GLCE: variants seen among roughly 807,000 people sequenced by gnomAD.
GLCE encodes glucuronic acid epimerase, also known as D-glucuronyl C5-epimerase.
In GLCE, 19 loss-of-function variants were observed where a neutral mutation model predicts 47.9. That is an observed-to-expected ratio of 0.40 (90% CI 0.28 to 0.58). The LOEUF is 0.58. Among genes scored for constraint, GLCE ranks in the 20% least tolerant of loss-of-function variants. The pLI is 0.48. For missense variants in GLCE, 556 were observed against 743.3 expected, an observed-to-expected ratio of 0.75 and a Z score of 2.93; for synonymous variants, 245 against 263.4, an observed-to-expected ratio of 0.93 and a Z score of 0.68.
intron 2 of GLCE, among the ~76,000 whole-genome samples, chr15:69,211,835 T>A (rs1025979219): frequency 6.6e-6 from 1 of 152,030 alleles, no homozygotes; most frequent in Non-Finnish European, 1.5e-5. Flanking sequence ...GAAAACAGCC[T>A]CTTATATCCT....
chr15:69,199,480 CATCA>C (rs2052045711), intron 1 of GLCE, among the ~76,000 whole-genome samples: 1 of 152,140 alleles, frequency 6.6e-6, no homozygotes, highest in Admixed American at 6.5e-5. Flanking sequence ...GAATAAGCAT[CATCA>C]ATCAGATCAT....
chr15:69,206,420 A>C lies in GLCE; in HGVS notation c.-104-3896A>C, dbSNP rs1440295772. On this transcript the variant is annotated intron_variant, in intron 1 of 4. Transcript: ENST00000261858. ...AAATGAGTTGCTAATTTCAGCCCAC[A>C]ATCAAAAGGGTGGGAGATTGTTTCA... is the stretch of plus-strand genomic sequence containing the variant. 2.0e-5 allele frequency among the ~76,000 whole-genome samples: 3 copies of C among 152,160 alleles called. 1 individual carries two copies. The South Asian group carries it at 6.2e-4, about 32-fold the overall frequency.
chr15:69,243,070 A>C (rs539646460), intron 2 of GLCE, among the ~76,000 whole-genome samples: 2 of 151,320 alleles, frequency 1.3e-5, no homozygotes, highest in African/African-American at 4.8e-5. Context: ...AAAAAAAAAA[A>C]AAAAAAGAAA....
At chr15:69,197,872 G>C (rs1165241932) in intron 1 of GLCE, among the ~76,000 whole-genome samples, 1 of 152,158 alleles carries the variant, frequency 6.6e-6, no homozygotes, top group Admixed American at 6.6e-5. Context: ...AATGTGACAG[G>C]AATAATCCAG....
intron 2 of GLCE, among the ~76,000 whole-genome samples, chr15:69,232,507 G>A (rs1406505275): frequency 2.0e-5 from 3 of 152,044 alleles, no homozygotes; most frequent in South Asian, 2.1e-4. Context: ...TTACTCCTGA[G>A]TTATTTGTCA....
At chr15:69,173,052 G>A (rs1426510429) in intron 1 of GLCE, among the ~76,000 whole-genome samples, 1 of 152,130 alleles carries the variant, frequency 6.6e-6, no homozygotes, top group Non-Finnish European at 1.5e-5. Context: ...GTGTGCCTGG[G>A]TGTGTCTCCT....
At chr15:69,236,270 A>G (rs1455410493) in intron 2 of GLCE, among the ~76,000 whole-genome samples, 1 of 147,948 alleles carries the variant, frequency 6.8e-6, no homozygotes, top group Non-Finnish European at 1.5e-5. Flanking sequence ...AAATTTCTGG[A>G]TTATTATGGC....
chr15:69,261,427 C>A, intron 4 of GLCE, 98 bp downstream of exon 4: 2 of 1,158,264 alleles, frequency 1.7e-6, no homozygotes, highest in Non-Finnish European at 1.2e-6. Context: ...AACACATAAG[C>A]AGACCCTTTA....
At chr15:69,219,028 A>G (rs1045429792) in intron 2 of GLCE, among the ~76,000 whole-genome samples, 2 of 152,128 alleles carry the variant, frequency 1.3e-5, no homozygotes, top group African/African-American at 2.4e-5. Flanking sequence ...AGTAAATTCT[A>G]TTTCCATAGT....
At chr15:69,250,257 T>G (rs2052819403) in intron 2 of GLCE, among the ~76,000 whole-genome samples, 1 of 152,152 alleles carries the variant, frequency 6.6e-6, no homozygotes, top group Non-Finnish European at 1.5e-5. Context: ...TGTGTCAGTT[T>G]TCTATAATTT....
chr15:69,172,729 G>C (rs935429872), intron 1 of GLCE, among the ~76,000 whole-genome samples: 4 of 152,188 alleles, frequency 2.6e-5, no homozygotes, highest in Non-Finnish European at 4.4e-5. Context: ...TACATTCTTA[G>C]TGGTGTGCCT....
At position 69,228,756 on chromosome 15, in the gene GLCE, G is replaced by A. The variant is rs535227649; in HGVS notation, c.-14+18350G>A. Reference sequence around the variant, plus strand: ...ACCCTGGCTGGAGTGGCACGATCTCGGCTCCCTGCAACCTCTGCCTCCTTG... The same window carrying A: ...ACCCTGGCTGGAGTGGCACGATCTCAGCTCCCTGCAACCTCTGCCTCCTTG... On this transcript the variant is annotated intron_variant, in intron 2 of 4. Transcript: ENST00000261858. Among the ~76,000 whole-genome samples, 9 of 151,982 alleles carry A rather than the reference G, an allele frequency of 5.9e-5. No individual in the cohort carries two copies. In the East Asian group the frequency reaches 1.2e-3, roughly 20 times the overall value.
At chr15:69,210,528 C>T (rs1465802785) in intron 2 of GLCE, 122 bp downstream of exon 2, 2 of 152,050 alleles carry the variant, frequency 1.3e-5, no homozygotes, top group African/African-American at 4.8e-5. Context: ...TATACCAATA[C>T]TATGCATTTT....
At chr15:69,262,768 G>A (rs530181600) in intron 4 of GLCE, among the ~76,000 whole-genome samples, 10 of 152,300 alleles carry the variant, frequency 6.6e-5, no homozygotes, top group Non-Finnish European at 1.3e-4. Flanking sequence ...GTCTCTAACA[G>A]CCACTCTGCG....
At chr15:69,202,266 T>TA (rs577197766) in intron 1 of GLCE, among the ~76,000 whole-genome samples, 27 of 147,110 alleles carry the variant, frequency 1.8e-4, no homozygotes, top group South Asian at 6.4e-4. Flanking sequence ...CTTACCCAAT[T>TA]AAAAAAAAAA....
Position 69,256,370 on chromosome 15 carries a change from C to T in GLCE, c.564C>T (p.Val188=). 2 of 1,611,678 alleles carry T rather than the reference C, an allele frequency of 1.2e-6. No homozygotes were observed. The highest frequency in any genetic ancestry group is 1.7e-6 in the Non-Finnish European group (2 of 1,178,970). ...EGYNVEVRDR[V]KCISGVEGVP... ...ACAATGTGGAAGTCCGAGACAGAGTCAAGTGCATAAGTGGGGTTGAAGGTT... is the reference window on the plus strand; with the variant it reads ...ACAATGTGGAAGTCCGAGACAGAGTTAAGTGCATAAGTGGGGTTGAAGGTT... Residue 188 remains valine, a synonymous_variant, in exon 3 of 5, where the codon GTC becomes GTT. Coordinates refer to ENST00000261858, the MANE Select transcript of GLCE (RefSeq NM_015554.3).
chr15:69,185,222 G>A (rs886689794), intron 1 of GLCE, among the ~76,000 whole-genome samples: 1 of 152,152 alleles, frequency 6.6e-6, no homozygotes, highest in Admixed American at 6.5e-5. Flanking sequence ...ATAGAGAGTA[G>A]AGCAATTATT....
At chr15:69,194,188 C>A (rs1001982448) in intron 1 of GLCE, among the ~76,000 whole-genome samples, 2 of 152,134 alleles carry the variant, frequency 1.3e-5, no homozygotes, top group African/African-American at 4.8e-5. Flanking sequence ...GGGCATGCAG[C>A]TGTATTTGCA....
chr15:69,233,947 G>T, intron 2 of GLCE, among the ~76,000 whole-genome samples: 1 of 151,864 alleles, frequency 6.6e-6, no homozygotes. Flanking sequence ...TATATGTGAT[G>T]CACATATACA....
Sources: allele counts gnomAD v4.1 joint callset (sites outside exome capture counted in the v4.1 genomes callset), GRCh38; gene constraint gnomAD v4.1.1; transcripts MANE v1.5; gene names NCBI Gene and HGNC (gene_info 2026-07-23, HGNC 2026-07-21).